Variants in ARNT observed in about 807,000 individuals in gnomAD.
ARNT encodes class E basic helix-loop-helix protein 2.
Under a neutral mutation model 105.0 loss-of-function variants are expected in ARNT, and 30 were observed. The observed-to-expected ratio is 0.29, with a 90% CI of 0.21 to 0.39. ARNT has a LOEUF of 0.39. Among genes scored for constraint, ARNT ranks in the 10% least tolerant of loss-of-function variants. ARNT has a pLI of 1.00. For synonymous variants in ARNT, 304 were observed against 344.0 expected, an observed-to-expected ratio of 0.88 and a Z score of 1.29; for missense variants, 748 against 978.7, an observed-to-expected ratio of 0.76 and a Z score of 3.15.
chr1:150,828,935 A>C (rs934140412), intron 12 of ARNT, among the ~76,000 whole-genome samples, 158 bp downstream of exon 12: 1 of 152,214 alleles, frequency 6.6e-6, no homozygotes, highest in African/African-American at 2.4e-5. Flanking sequence ...GACAGTCCTA[A>C]TAGGAAGCTG....
At chr1:150,866,350 T>G (rs1376949412) in intron 1 of ARNT, among the ~76,000 whole-genome samples, 1 of 152,182 alleles carries the variant, frequency 6.6e-6, no homozygotes, top group Non-Finnish European at 1.5e-5. Flanking sequence ...GATACCTGAA[T>G]CTTTTGAATG....
In ARNT at chr1:150,833,937, C is replaced by T. The variant is rs1188543790; in HGVS notation, c.803+601G>A. On this transcript the variant is annotated intron_variant, in intron 8 of 21. Transcript: ENST00000358595. ...GGGAAATTCATTTCTTTTTCTTTTT[C>T]TTTTTTTTTTTTTTGAGACAGAGTT... 9.9e-5 allele frequency among the ~76,000 whole-genome samples: 14 copies of T among 141,888 alleles called. 1 individual carries two copies. The South Asian group carries it at 3.1e-3, about 32-fold the overall frequency. The allele number at this position is 141,888 out of a possible 152,430, so 93.1% of individuals were successfully genotyped here. A position where few individuals can be genotyped will look rare whatever the true frequency, so the allele number is the denominator to read the frequency against.
rs748796542 is a variant in ARNT, at chr1:150,836,503, A to G, written c.487-10T>C. ...TCAAATGTTTCAGTTCCTGCGCAAG[A>G]AAAAGAAATAGAAGTTAATATTTTA... is the stretch of plus-strand genomic sequence containing the variant. On this transcript the variant is annotated splice_polypyrimidine_tract_variant and intron_variant, in intron 6 of 21. Transcript: ENST00000358595. The G allele has an allele frequency of 1.1e-5, 18 of 1,611,706 alleles. No homozygotes were observed. Among genetic ancestry groups the G allele is most frequent in the Non-Finnish European group, 5.9e-6 (7 of 1,178,950 alleles).
chr1:150,863,323 T>G (rs922143426), intron 1 of ARNT, among the ~76,000 whole-genome samples: 7 of 149,694 alleles, frequency 4.7e-5, no homozygotes, highest in African/African-American at 1.7e-4. Flanking sequence ...GCCACTGCAC[T>G]CCAGCCTGGG....
chr1:150,851,630 G>A (rs1663584540), intron 3 of ARNT, among the ~76,000 whole-genome samples: 2 of 152,286 alleles, frequency 1.3e-5, no homozygotes, highest in East Asian at 3.9e-4. Context: ...GGTGCAAGAT[G>A]TGCTTTGTTA....
At chr1:150,860,194 C>A (rs1025697301) in intron 1 of ARNT, among the ~76,000 whole-genome samples, 4 of 147,898 alleles carry the variant, frequency 2.7e-5, no homozygotes, top group Non-Finnish European at 5.9e-5. Context: ...AAAAGGCAAC[C>A]CATGGAATAG....
Position 150,836,417 on chromosome 1 carries a change from T to TA in ARNT, c.562dup (p.Tyr188LeufsTer4), listed in dbSNP as rs1326950379. On this transcript the variant is annotated frameshift_variant, in exon 7 of 22. Coordinates refer to ENST00000358595, the MANE Select transcript of ARNT (RefSeq NM_001668.4). LOFTEE classifies it high-confidence loss of function. ...AACAGGAGTCACGGAGTCAGACACA[T>TA]ACACCACCCTGCCTGTCTCACATGA... The TA allele has an allele frequency of 6.2e-7, 1 of 1,613,962 alleles. No individual in the cohort carries two copies. Among genetic ancestry groups the TA allele is most frequent in the Non-Finnish European group, 8.5e-7 (1 of 1,180,022 alleles).
intron 6 of ARNT, 72 bp downstream of exon 6, chr1:150,839,369 G>A: frequency 6.6e-7 from 1 of 1,513,830 alleles, no homozygotes. Context: ...CTGAATTCTT[G>A]TCCAAAAAAC....
At chr1:150,848,293 TA>T (rs1662638689) in intron 3 of ARNT, among the ~76,000 whole-genome samples, 2 of 152,020 alleles carry the variant, frequency 1.3e-5, no homozygotes, top group African/African-American at 2.4e-5. Flanking sequence ...TTGTCGCTAC[TA>T]AAAGTACAAA....
At chr1:150,826,194 C>T (rs926137732) in intron 13 of ARNT, among the ~76,000 whole-genome samples, 10 of 152,116 alleles carry the variant, frequency 6.6e-5, no homozygotes, top group Admixed American at 5.2e-4. Context: ...GGATTATAGG[C>T]GTGAGCCACC....
chr1:150,834,941 C>T, intron 7 of ARNT: 1 of 321,034 alleles, frequency 3.1e-6, no homozygotes, highest in Non-Finnish European at 6.2e-6. Flanking sequence ...AGCTGATTAT[C>T]TGTATACACA....
At position 150,846,227 on chromosome 1, in the gene ARNT, T is replaced by C. The variant is rs1473265780; in HGVS notation, c.227+36A>G. The C allele has an allele frequency of 3.2e-6, 5 of 1,561,616 alleles. No homozygotes were observed. In the East Asian group the frequency reaches 9.0e-5, roughly 28 times the overall value. On this transcript the variant is annotated intron_variant, in intron 4 of 21. Coordinates refer to ENST00000358595, the MANE Select transcript of ARNT (RefSeq NM_001668.4). ...GTCTGGTTCTACAACATGGATCATA[T>C]TATATATTACAATATATTACCTACT...
intron 1 of ARNT, among the ~76,000 whole-genome samples, chr1:150,870,969 C>G (rs1327468577): frequency 6.6e-6 from 1 of 151,790 alleles, no homozygotes; most frequent in Non-Finnish European, 1.5e-5. Context: ...GAGTTTGAGA[C>G]CAGCCGGGGC....
At chr1:150,818,252 G>C (rs1195354594) in intron 14 of ARNT, 2 of 437,374 alleles carry the variant, frequency 4.6e-6, no homozygotes, top group African/African-American at 2.0e-5. Context: ...ATCTTGTTGG[G>C]TTCTAACTCC....
chr1:150,847,927 T>C (rs1662550914), intron 3 of ARNT, among the ~76,000 whole-genome samples: 2 of 152,168 alleles, frequency 1.3e-5, no homozygotes, highest in South Asian at 4.1e-4. Flanking sequence ...ATCTAGTGAG[T>C]AGCCAGAAAT....
At chr1:150,851,177 C>T (rs1242702909) in intron 3 of ARNT, among the ~76,000 whole-genome samples, 1 of 150,346 alleles carries the variant, frequency 6.7e-6, no homozygotes, top group Non-Finnish European at 1.5e-5. Flanking sequence ...TGGCCAGCCA[C>T]CCCGTCCAGG....
At chr1:150,826,678 CTT>C (rs1430493342) in intron 12 of ARNT, 61 bp from the exon 13 acceptor site, 5 of 1,311,152 alleles carry the variant, frequency 3.8e-6, no homozygotes, top group African/African-American at 1.5e-5. Flanking sequence ...GAGTTTCGCT[CTT>C]GTTGCCCAGG....
intron 21 of ARNT, 56 bp from the exon 22 acceptor site, chr1:150,812,166 C>G: frequency 3.1e-6 from 4 of 1,298,056 alleles, no homozygotes; most frequent in Non-Finnish European, 4.2e-6. Context: ...TTACACTTAC[C>G]AAGTTCTACT....
intron 5 of ARNT, among the ~76,000 whole-genome samples, chr1:150,840,945 C>CTTTTTTTTTTT (rs777444553): frequency 3.9e-5 from 4 of 103,720 alleles, no homozygotes; most frequent in Non-Finnish European, 3.8e-5. Flanking sequence ...CTCTCTTCTT[C>CTTTTTTTTTTT]TTTTTTTTTT....
Sources: allele counts gnomAD v4.1 joint callset (sites outside exome capture counted in the v4.1 genomes callset), GRCh38; gene constraint gnomAD v4.1.1; transcripts MANE v1.5; gene names NCBI Gene and HGNC (gene_info 2026-07-23, HGNC 2026-07-21).